The following AP4E1 variants were observed in gnomAD, a reference collection of about 807,000 sequenced individuals.
AP4E1 encodes adaptor related protein complex 4 subunit epsilon 1.
Under a neutral mutation model 128.2 loss-of-function variants are expected in AP4E1, and 56 were observed. That is an observed-to-expected ratio of 0.44 (90% CI 0.35 to 0.55). The LOEUF (loss-of-function observed/expected upper bound fraction) is 0.55. Among genes scored for constraint, AP4E1 ranks in the 20% least tolerant of loss-of-function variants. AP4E1 has a pLI of 0.00. For synonymous variants in AP4E1, 484 were observed against 473.1 expected (o/e 1.02, Z -0.30); for missense variants, 1,324 against 1,307.7 (o/e 1.01, Z -0.19).
chr15:50,930,964 G>A lies in AP4E1; in HGVS notation c.862G>A (p.Asp288Asn), dbSNP rs1223958039. 14 of 1,614,070 alleles carry A rather than the reference G, an allele frequency of 8.7e-6. No individual in the cohort carries two copies. Among genetic ancestry groups the A allele is most frequent in the Non-Finnish European group, 1.2e-5 (14 of 1,180,002 alleles). ...AATACTGGGACTTCTAGGAAAAGAT[G>A]ATCAAAGGTAAACTATTTTCAGTAA... ...LRILGLLGKD[D>N]QRTSELMYDV... Residue 288 changes from aspartate (D) to asparagine (N), a missense_variant, in exon 7 of 21, where the codon GAT (aspartate) becomes AAT (asparagine). Asp to Asn is a conservative substitution (Grantham distance 23). Transcript: ENST00000261842.
rs780821809 is a variant in AP4E1, at chr15:50,997,724, C to T, written c.2745C>T (p.His915=). ...SFLEETTEYI[H]SNAMEVCNNE... is the part of the protein sequence containing the mutation. Reference sequence around the variant, plus strand: ...TGGAAGAAACTACTGAATACATACACTCAAATGCTATGGAAGTCTGTAATA... The same window carrying T: ...TGGAAGAAACTACTGAATACATACATTCAAATGCTATGGAAGTCTGTAATA... Residue 915 remains histidine, a synonymous_variant, in exon 18 of 21, where the codon CAC becomes CAT. Transcript: ENST00000261842. The T allele has an allele frequency of 5.6e-6, 9 of 1,613,942 alleles. No homozygotes were observed. In the Admixed American group the frequency reaches 1.5e-4, roughly 27 times the overall value.
Position 50,949,955 on chromosome 15 carries a change from A to T in AP4E1, c.1429+17A>T, listed in dbSNP as rs762060649. On this transcript the variant is annotated intron_variant, in intron 12 of 20. Coordinates refer to ENST00000261842, the MANE Select transcript of AP4E1 (RefSeq NM_007347.5). ...TAGCGGAAGGTTGGTACACTATTAT[A>T]TTCTGTAAAGTAAACATTTTAAAGT... is the stretch of plus-strand genomic sequence containing the variant. 9 of 1,601,930 alleles carry T rather than the reference A, an allele frequency of 5.6e-6. No individual in the cohort carries two copies. Among genetic ancestry groups the T allele is most frequent in the Admixed American group, 1.7e-5 (1 of 60,016 alleles).
intron 6 of AP4E1, 80 bp downstream of exon 6, chr15:50,929,248 T>G (rs977692779): frequency 1.0e-4 from 146 of 1,464,980 alleles, no homozygotes; most frequent in Non-Finnish European, 1.2e-4. Context: ...AACAGATATT[T>G]TGGTAAAATG....
rs577062336 is a variant in AP4E1 at position 50,951,537 on chromosome 15, G to A, written c.1548+1368G>A. ...GTGCATATAGGTGAGTGTTTCTTTA[G>A]GGGAGATTTAGAGAAGTGATATGGT... On this transcript the variant is annotated intron_variant, in intron 13 of 20. Coordinates refer to ENST00000261842, the MANE Select transcript of AP4E1 (RefSeq NM_007347.5). Among the ~76,000 whole-genome samples, 3 of 152,030 alleles carry A rather than the reference G, an allele frequency of 2.0e-5. No homozygotes were observed. In the East Asian group the frequency reaches 5.8e-4, roughly 29 times the overall value.
rs548301596 is a variant in AP4E1 at position 50,976,895 on chromosome 15, A to G, written c.1967-7127A>G. ...ACAAGGCACAAATAAATGGAAATAC[A>G]TCCTGTGTTCATGGATTGGAAAGTA... is the stretch of plus-strand genomic sequence containing the variant. On this transcript the variant is annotated intron_variant, in intron 15 of 20. Transcript: ENST00000261842. Among the ~76,000 whole-genome samples, 14 of 152,328 alleles carry G rather than the reference A, an allele frequency of 9.2e-5. No homozygotes were observed. In the South Asian group the frequency reaches 2.7e-3, roughly 29 times the overall value.
At chr15:50,983,978 C>T (rs1310347260) in intron 15 of AP4E1, 44 bp from the exon 16 acceptor site, 4 of 1,596,074 alleles carry the variant, frequency 2.5e-6, no homozygotes, top group South Asian at 2.2e-5. Flanking sequence ...CAGTTTTTTG[C>T]TTTGTTTTAA....
chr15:50,962,287 C>T (rs2064326411), intron 14 of AP4E1, among the ~76,000 whole-genome samples: 1 of 151,846 alleles, frequency 6.6e-6, no homozygotes, highest in Admixed American at 6.6e-5. Context: ...AACCATGAGA[C>T]TCTGAATAGC....
intron 11 of AP4E1, among the ~76,000 whole-genome samples, chr15:50,949,460 T>G (rs1439274809): frequency 6.6e-6 from 1 of 151,906 alleles, no homozygotes; most frequent in East Asian, 1.9e-4. Flanking sequence ...AACAATTTGT[T>G]CAAGTAGACA....
intron 2 of AP4E1, among the ~76,000 whole-genome samples, chr15:50,913,005 A>AT (rs1303276245): frequency 6.6e-6 from 1 of 152,066 alleles, no homozygotes; most frequent in Non-Finnish European, 1.5e-5. Flanking sequence ...TTCAAGCAAC[A>AT]TATCTTCAGC....
chr15:50,984,631 A>G (rs1254876441), intron 16 of AP4E1, among the ~76,000 whole-genome samples: 1 of 152,036 alleles, frequency 6.6e-6, no homozygotes, highest in Non-Finnish European at 1.5e-5. Context: ...TACAAAGGAC[A>G]TGAACTCATC....
At chr15:50,962,924 T>TAAAAAAAAAAAAAAA (rs1157868395) in intron 14 of AP4E1, among the ~76,000 whole-genome samples, 1 of 114,848 alleles carries the variant, frequency 8.7e-6, no homozygotes, top group African/African-American at 4.6e-5. Flanking sequence ...AAATCCCATT[T>TAAAAAAAAAAAAAAA]AAAGGTGGGC....
intron 13 of AP4E1, among the ~76,000 whole-genome samples, chr15:50,955,935 A>G (rs531646299): frequency 5.9e-5 from 9 of 152,244 alleles, no homozygotes; most frequent in African/African-American, 2.2e-4. Flanking sequence ...TGGCTGGAGT[A>G]GGAGGGTTAC....
At chr15:50,942,971 G>A (rs769745567) in intron 10 of AP4E1, among the ~76,000 whole-genome samples, 7 of 151,988 alleles carry the variant, frequency 4.6e-5, no homozygotes, top group Non-Finnish European at 8.8e-5. Context: ...AGATTTGGGC[G>A]TCTATTGAAC....
chr15:50,922,398 T>G (rs1340194560), intron 3 of AP4E1, among the ~76,000 whole-genome samples: 1 of 152,114 alleles, frequency 6.6e-6, no homozygotes, highest in Non-Finnish European at 1.5e-5. Context: ...GGGTCAGATT[T>G]GTTTCAACTC....
intron 15 of AP4E1, among the ~76,000 whole-genome samples, chr15:50,982,815 G>A (rs1039020093): frequency 7.9e-5 from 12 of 152,106 alleles, no homozygotes; most frequent in African/African-American, 2.9e-4. Context: ...TACTATAATA[G>A]TTGAGAGTAC....
chr15:50,984,043 G>T lies in AP4E1; in HGVS notation c.1988G>T (p.Gly663Val). ...QEKVLNFEPYGLSFSSSGFTG... is the reference protein window; with the variant it reads ...QEKVLNFEPYVLSFSSSGFTG... ...CTAGTTCTCAATTTTGAACCATATG[G>T]ACTCTCCTTTTCTTCATCTGGCTTC... The change falls in exon 16 of 21, where the codon GGA (glycine) becomes GTA (valine). Residue 663 changes from glycine (G) to valine (V), a missense_variant. Coordinates refer to ENST00000261842, the MANE Select transcript of AP4E1 (RefSeq NM_007347.5). 1 of 1,613,072 alleles carries T rather than the reference G, an allele frequency of 6.2e-7. No individual in the cohort carries two copies. Among genetic ancestry groups the T allele is most frequent in the East Asian group, 2.2e-5 (1 of 44,828 alleles).
chr15:50,926,148 A>T (rs759655813), intron 5 of AP4E1, among the ~76,000 whole-genome samples: 7 of 151,256 alleles, frequency 4.6e-5, no homozygotes, highest in Non-Finnish European at 8.9e-5. Context: ...TAATTAATTA[A>T]TTTTTTTGAG....
chr15:50,971,560 C>T lies in AP4E1; in HGVS notation c.1966+3183C>T, dbSNP rs529169676. 1.2e-4 allele frequency among the ~76,000 whole-genome samples: 19 copies of T among 152,236 alleles called. No individual in the cohort carries two copies. In the East Asian group the frequency reaches 3.7e-3, roughly 29 times the overall value. The stretch of plus-strand genomic sequence containing the variant: ...TCATATCTTCCCTTCTCTTCTCCTT[C>T]TGAAATGCCCATAATACAAACATTT... On this transcript the variant is annotated intron_variant, in intron 15 of 20. Transcript: ENST00000261842.
chr15:50,926,565 T>C (rs1045856289), intron 5 of AP4E1, among the ~76,000 whole-genome samples: 1 of 152,280 alleles, frequency 6.6e-6, no homozygotes, highest in Admixed American at 6.5e-5. Flanking sequence ...GTATTTTTAA[T>C]GTTCTGAGAT....
Sources: allele counts gnomAD v4.1 joint callset (sites outside exome capture counted in the v4.1 genomes callset), GRCh38; gene constraint gnomAD v4.1.1; transcripts MANE v1.5; gene names NCBI Gene and HGNC (gene_info 2026-07-23, HGNC 2026-07-21).